SKA1: variants seen among roughly 807,000 people sequenced by gnomAD.
SKA1 encodes spindle and kinetochore associated complex subunit 1, also known as SKA complex subunit 1.
SKA1 carries 20 observed loss-of-function variants against 31.8 expected under a neutral mutation model. That is an observed-to-expected ratio of 0.63 (90% CI 0.44 to 0.91). The LOEUF is 0.91. Among genes scored for constraint, SKA1 ranks in the 40% least tolerant of loss-of-function variants. The pLI is 0.00. For missense variants in SKA1, 253 were observed against 298.2 expected (o/e 0.85, Z 1.12); for synonymous variants, 88 against 100.5 (o/e 0.88, Z 0.74).
intron 4 of SKA1, among the ~76,000 whole-genome samples, chr18:50,384,876 A>AAAAAAAAAAAAAAGG (rs2041293667): frequency 1.4e-5 from 2 of 148,096 alleles, no homozygotes; most frequent in African/African-American, 2.5e-5. Context: ...AAAATTAAAA[A>AAAAAAAAAAAAAAGG]AAAAAAAAAA....
At chr18:50,391,097 A>G (rs778637404) in intron 5 of SKA1, 27 bp from the exon 6 acceptor site, 5 of 1,414,678 alleles carry the variant, frequency 3.5e-6, no homozygotes, top group Admixed American at 2.6e-5. Flanking sequence ...TCTTTAAAAC[A>G]ATAATTAGCC....
At chr18:50,384,607 T>C (rs1225857030) in intron 4 of SKA1, among the ~76,000 whole-genome samples, 1 of 150,624 alleles carries the variant, frequency 6.6e-6, no homozygotes, top group Admixed American at 6.6e-5. Context: ...TGTTTCCAGA[T>C]TCAGAGTTAG....
chr18:50,378,233 T>C (rs2041236982), intron 2 of SKA1, among the ~76,000 whole-genome samples: 1 of 152,220 alleles, frequency 6.6e-6, no homozygotes, highest in African/African-American at 2.4e-5. Context: ...CACCAAAGCA[T>C]AGGCCTGGCT....
intron 2 of SKA1, among the ~76,000 whole-genome samples, chr18:50,378,802 A>G (rs968634564): frequency 6.6e-6 from 1 of 152,222 alleles, no homozygotes; most frequent in East Asian, 1.9e-4. Flanking sequence ...TCTCAGAGAC[A>G]TCAGTACTCT....
chr18:50,380,857 C>T (rs1372762656), intron 3 of SKA1, among the ~76,000 whole-genome samples: 1 of 152,128 alleles, frequency 6.6e-6, no homozygotes, highest in African/African-American at 2.4e-5. Context: ...TAATCTGTAC[C>T]ATAATTACCT....
Position 50,375,806 on chromosome 18 carries a change from GTTT to G in SKA1, c.-11-9_-11-7del. ...CTTTTCTTGTTACGAATATGTTTAT[GTTT>G]TTTTCTTCAGAGGCTTAAAGGATGG... On this transcript the variant is annotated splice_polypyrimidine_tract_variant and intron_variant, in intron 1 of 6. Coordinates refer to ENST00000285116, the MANE Select transcript of SKA1 (RefSeq NM_145060.4). 6.6e-7 allele frequency: 1 copy of G among 1,507,210 alleles called. No individual in the cohort carries two copies. Among genetic ancestry groups the G allele is most frequent in the Non-Finnish European group, 9.0e-7 (1 of 1,110,458 alleles). The allele number at this position is 1,507,210 out of a possible 1,614,324, so 93.4% of individuals were successfully genotyped here. A position where few individuals can be genotyped will look rare whatever the true frequency, so the allele number is the denominator to read the frequency against.
intron 2 of SKA1, among the ~76,000 whole-genome samples, chr18:50,379,795 AT>A (rs2041249292): frequency 6.6e-6 from 1 of 152,098 alleles, no homozygotes; most frequent in South Asian, 2.1e-4. Flanking sequence ...ACCCCTGGAA[AT>A]TTGCCTTTTT....
At chr18:50,380,103 T>C in intron 2 of SKA1, 23 bp from the exon 3 acceptor site, 1 of 1,483,572 alleles carries the variant, frequency 6.7e-7, no homozygotes, top group Non-Finnish European at 8.9e-7. Flanking sequence ...CTTTGTTTTC[T>C]ATTTTATTTT....
At chr18:50,384,458 C>T (rs192927667) in intron 4 of SKA1, among the ~76,000 whole-genome samples, 116 of 152,112 alleles carry the variant, frequency 7.6e-4, no homozygotes, top group Non-Finnish European at 1.3e-3. Context: ...GCTTCTCACT[C>T]GCTGTAAAAA....
chr18:50,389,913 A>G (rs2041343488), intron 5 of SKA1, among the ~76,000 whole-genome samples: 1 of 152,202 alleles, frequency 6.6e-6, no homozygotes, highest in African/African-American at 2.4e-5. Context: ...TCATTTTTCA[A>G]CTAGGGGTTA....
At chr18:50,390,341 C>G (rs1187468873) in intron 5 of SKA1, among the ~76,000 whole-genome samples, 2 of 152,192 alleles carry the variant, frequency 1.3e-5, no homozygotes, top group African/African-American at 4.8e-5. Flanking sequence ...ACTGAACTTA[C>G]AATTTGTTGA....
intron 5 of SKA1, among the ~76,000 whole-genome samples, chr18:50,389,375 CTTTT>C (rs756288352): frequency 2.2e-3 from 187 of 86,132 alleles, no homozygotes; most frequent in African/African-American, 8.1e-3. Context: ...CTTTACCTTT[CTTTT>C]TTTTTTTTTT....
rs2041380926 is a variant in SKA1 at position 50,394,010 on chromosome 18, A to G, written c.*1763A>G. ...AGTTCAGGGAGCTTCAGGGTTGGCA[A>G]ACATTTTGATGTGCCAGGAAGGTGA... On this transcript the variant is annotated 3_prime_UTR_variant, in exon 7 of 7. Transcript: ENST00000285116. 6.6e-6 allele frequency: 1 copy of G among 152,216 alleles called. No individual in the cohort carries two copies. Among genetic ancestry groups the G allele is most frequent in the Non-Finnish European group, 1.5e-5 (1 of 68,046 alleles). 9.4% of individuals were successfully genotyped at this position (152,216 alleles called of 1,614,324 possible). A position where few individuals can be genotyped will look rare whatever the true frequency, so the allele number is the denominator to read the frequency against.
At position 50,381,238 on chromosome 18, in the gene SKA1, C is replaced by T. The variant is rs114864040; in HGVS notation, c.214-891C>T. Among the ~76,000 whole-genome samples, 1,117 of 152,248 alleles carry T rather than the reference C, an allele frequency of 7.3e-3. 10 individuals carry two copies. The highest frequency in any genetic ancestry group is 0.025 in the African/African-American group (1,059 of 41,536). ...GGAATCCAAAGGCACAAAATATTTT[C>T]CTTATTAAAATGTGTATGAGTTCAT... On this transcript the variant is annotated intron_variant, in intron 3 of 6. Coordinates refer to ENST00000285116, the MANE Select transcript of SKA1 (RefSeq NM_145060.4).
intron 3 of SKA1, among the ~76,000 whole-genome samples, chr18:50,380,591 G>C (rs2041255136): frequency 6.6e-6 from 1 of 152,146 alleles, no homozygotes; most frequent in African/African-American, 2.4e-5. Flanking sequence ...GGTGGTCCTT[G>C]GTACTCTCTG....
chr18:50,376,801 G>A (rs951197651), intron 2 of SKA1, among the ~76,000 whole-genome samples: 1 of 133,974 alleles, frequency 7.5e-6, no homozygotes, highest in African/African-American at 2.9e-5. Context: ...ATCTTTATGA[G>A]CTTTTTTTCT....
intron 3 of SKA1, 23 bp from the exon 4 acceptor site, chr18:50,382,106 T>C (rs2041268292): frequency 1.5e-6 from 2 of 1,339,580 alleles, no homozygotes; most frequent in East Asian, 2.6e-5. Flanking sequence ...AGAGACTTAT[T>C]TGTGAGCACT....
intron 2 of SKA1, among the ~76,000 whole-genome samples, chr18:50,376,772 T>G (rs2041219416): frequency 6.6e-6 from 1 of 152,104 alleles, no homozygotes; most frequent in South Asian, 2.1e-4. Flanking sequence ...ATTGTACAGG[T>G]GTACAAAAAT....
chr18:50,385,324 A>G lies in SKA1; in HGVS notation c.420A>G (p.Ile140Met), dbSNP rs201401564. 1.2e-6 allele frequency: 2 copies of G among 1,613,566 alleles called. No homozygotes were observed. Among genetic ancestry groups the G allele is most frequent in the Admixed American group, 3.3e-5 (2 of 59,964 alleles). ...GAAGTATTAAGGAAATGCCATTTAT[A>G]ACTTGTGATGAGTTCAATGGTGTTC... ...EQRSIKEMPFITCDEFNGVPS... is the reference protein window; with the variant it reads ...EQRSIKEMPFMTCDEFNGVPS... Residue 140 changes from isoleucine (I) to methionine (M), a missense_variant, in exon 5 of 7, where the codon ATA becomes ATG. Physicochemically the swap from Ile to Met is conservative, Grantham distance 10 (BLOSUM62 1). Transcript: ENST00000285116.
Sources: allele counts gnomAD v4.1 joint callset (sites outside exome capture counted in the v4.1 genomes callset), GRCh38; gene constraint gnomAD v4.1.1; transcripts MANE v1.5; gene names NCBI Gene and HGNC (gene_info 2026-07-23, HGNC 2026-07-21).